Variants in DMD observed in about 807,000 individuals in gnomAD.
The protein encoded by DMD is mutant dystrophin.
Under a neutral mutation model 330.1 loss-of-function variants are expected in DMD, and 63 were observed. The ratio of observed to expected loss-of-function variants is 0.19; its 90% CI spans 0.16 to 0.24. DMD has a LOEUF of 0.24. DMD is among the 10% of genes least tolerant of loss of function. The probability of loss-of-function intolerance (pLI) is 1.00; values close to 1 mark genes in which losing one functional copy is unlikely to be tolerated. For synonymous variants in DMD, 1,223 were observed against 959.8 expected, an observed-to-expected ratio of 1.27 and a Z score of -5.07; for missense variants, 3,344 against 2,684.1, an observed-to-expected ratio of 1.25 and a Z score of -5.43.
intron 5 of DMD, 74 bp from the exon 6 acceptor site, chrX:32,816,714 T>A (rs1166088246): frequency 9.9e-7 from 1 of 1,008,520 alleles, no homozygotes; most frequent in African/African-American, 1.9e-5. Flanking sequence ...AATATGAATG[T>A]CCTTGATCTT....
At chrX:33,079,870 A>G (rs1276270104) in intron 1 of DMD, among the ~76,000 whole-genome samples, 2 of 111,587 alleles carry the variant, frequency 1.8e-5, no homozygotes, top group Non-Finnish European at 3.8e-5. Context: ...TAAAGACAGC[A>G]TGAGGATAAC....
chrX:31,619,862 A>C (rs1331235276), intron 55 of DMD, among the ~76,000 whole-genome samples: 1 of 111,800 alleles, frequency 8.9e-6, no homozygotes, highest in Non-Finnish European at 1.9e-5. Flanking sequence ...AACATGGTCC[A>C]AAACGGTACA....
At chrX:32,742,670 A>G (rs753991498) in intron 7 of DMD, among the ~76,000 whole-genome samples, 1 of 111,829 alleles carries the variant, frequency 8.9e-6, no homozygotes, top group South Asian at 3.8e-4. Context: ...AGAAAATGGG[A>G]AGTAAATTAT....
chrX:31,544,909 A>G (rs1348558082), intron 55 of DMD, among the ~76,000 whole-genome samples: 1 of 111,229 alleles, frequency 9.0e-6, no homozygotes, highest in Non-Finnish European at 1.9e-5. Flanking sequence ...CCAAACTGTG[A>G]AAACTGAATT....
intron 1 of DMD, among the ~76,000 whole-genome samples, chrX:33,253,336 T>A (rs1328224418): frequency 8.9e-6 from 1 of 111,738 alleles, no homozygotes; most frequent in African/African-American, 3.2e-5. Context: ...TATTTAGACA[T>A]ATTAGTTCTT....
At chrX:32,801,272 C>G (rs2076545295) in intron 7 of DMD, among the ~76,000 whole-genome samples, 1 of 111,894 alleles carries the variant, frequency 8.9e-6, no homozygotes, top group South Asian at 3.7e-4. Flanking sequence ...TCTCTAATGA[C>G]CAGTGATGAT....
At chrX:31,181,156 G>T (rs1305940107) in intron 68 of DMD, among the ~76,000 whole-genome samples, 2 of 111,523 alleles carry the variant, frequency 1.8e-5, no homozygotes, top group African/African-American at 6.5e-5. Context: ...AATACTAGTT[G>T]GTACATTTCC....
At chrX:31,995,849 T>TCCATAGTTCA in intron 44 of DMD, among the ~76,000 whole-genome samples, 1 of 112,388 alleles carries the variant, frequency 8.9e-6, no homozygotes, top group African/African-American at 3.2e-5. Flanking sequence ...GCCACATTCA[T>TCCATAGTTCA]GGTGAATCTC....
At chrX:32,610,342 G>A (rs1046106735) in intron 12 of DMD, among the ~76,000 whole-genome samples, 3 of 110,974 alleles carry the variant, frequency 2.7e-5, no homozygotes, top group Non-Finnish European at 1.9e-5. Context: ...AGAGTAAAGA[G>A]TTTGGCTAGA....
chrX:33,297,207 A>C (rs181348115), intron 1 of DMD, among the ~76,000 whole-genome samples: 1 of 111,950 alleles, frequency 8.9e-6, no homozygotes, highest in African/African-American at 3.2e-5. Flanking sequence ...AAAAATATTT[A>C]AGTAAAAGAA....
upstream of DMD, among the ~76,000 whole-genome samples, chrX:33,212,257 T>C (rs1471429036): frequency 8.9e-6 from 1 of 112,507 alleles, no homozygotes; most frequent in East Asian, 2.8e-4. Flanking sequence ...TCCATTTCTC[T>C]GGTGCCAATT....
At chrX:31,400,671 T>C (rs766452090) in intron 60 of DMD, among the ~76,000 whole-genome samples, 2 of 109,561 alleles carry the variant, frequency 1.8e-5, no homozygotes, top group South Asian at 3.9e-4. Flanking sequence ...ATCAATATAA[T>C]TGAATACTTT....
intron 62 of DMD, among the ~76,000 whole-genome samples, chrX:31,304,985 A>T (rs996811041): frequency 1.8e-5 from 2 of 111,946 alleles, no homozygotes; most frequent in Non-Finnish European, 3.8e-5. Context: ...CTAGTTGACA[A>T]GCAATTTTTT....
Position 31,835,581 on chromosome X carries a change from T to A in DMD, c.7200+1137A>T, listed in dbSNP as rs138384192. On this transcript the variant is annotated intron_variant, in intron 49 of 78. Transcript: ENST00000357033. ...ATATTTCTGAATAAAAGTATGTTGA[T>A]ATCTACAGAGAAACCTGTGATTTTC... is the stretch of plus-strand genomic sequence containing the variant. Among the ~76,000 whole-genome samples, 14 of 111,953 alleles carry A rather than the reference T, an allele frequency of 1.3e-4. No homozygotes were observed. In the East Asian group the frequency reaches 3.9e-3, roughly 31 times the overall value.
chrX:32,724,365 A>T (rs1166343015), intron 7 of DMD, among the ~76,000 whole-genome samples: 3 of 111,741 alleles, frequency 2.7e-5, no homozygotes, highest in Non-Finnish European at 5.7e-5. Context: ...CATAAAGTTG[A>T]TTTATGAGGA....
At chrX:32,653,794 A>G (rs1452082837) in intron 9 of DMD, among the ~76,000 whole-genome samples, 9 of 111,955 alleles carry the variant, frequency 8.0e-5, no homozygotes, top group East Asian at 5.6e-4. Context: ...CCATGAGCAT[A>G]GAATGTTCTT....
intron 2 of DMD, among the ~76,000 whole-genome samples, chrX:32,967,603 T>C (rs747805865): frequency 9.0e-6 from 1 of 111,428 alleles, no homozygotes; most frequent in African/African-American, 3.3e-5. Flanking sequence ...TCAGAGAAAG[T>C]CTTCAGGTGC....
intron 2 of DMD, among the ~76,000 whole-genome samples, chrX:33,008,877 T>A (rs1295769183): frequency 2.0e-5 from 1 of 50,082 alleles, no homozygotes; most frequent in Non-Finnish European, 4.3e-5. Flanking sequence ...CATACTCATA[T>A]ATGTATATAT....
At chrX:32,358,949 T>C (rs1186905316) in intron 37 of DMD, among the ~76,000 whole-genome samples, 1 of 112,143 alleles carries the variant, frequency 8.9e-6, no homozygotes, top group Non-Finnish European at 1.9e-5. Context: ...CATTACAATC[T>C]TTAGATTAAA....
Sources: allele counts gnomAD v4.1 joint callset (sites outside exome capture counted in the v4.1 genomes callset), GRCh38; gene constraint gnomAD v4.1.1; transcripts MANE v1.5; gene names NCBI Gene and HGNC (gene_info 2026-07-23, HGNC 2026-07-21).